The following CCZ1 variants were observed in gnomAD, a reference collection of about 807,000 sequenced individuals.
The protein encoded by CCZ1 is vacuolar fusion protein CCZ1 homolog.
In CCZ1, 19 loss-of-function variants were observed where a neutral mutation model predicts 57.8. The observed-to-expected ratio is 0.33, with a 90% CI of 0.23 to 0.48. The LOEUF is 0.48. Among genes scored for constraint, CCZ1 ranks in the 20% least tolerant of loss-of-function variants. The pLI is 0.99. For missense variants in CCZ1, 200 were observed against 492.0 expected (o/e 0.41, Z 5.61); for synonymous variants, 81 against 167.0 (o/e 0.49, Z 3.97).
Position 5,923,374 on chromosome 7 carries a change from CAT to C in CCZ1, c.1107-12_1107-11del. 1 of 238,678 alleles carries C rather than the reference CAT, an allele frequency of 4.2e-6. No homozygotes were observed. Among genetic ancestry groups the C allele is most frequent in the Non-Finnish European group, 7.7e-6 (1 of 130,236 alleles). The allele number at this position is 238,678 out of a possible 1,614,324, so 14.8% of individuals were successfully genotyped here. The stretch of plus-strand genomic sequence containing the variant: ...GGCCCGAGTGCTACTGTCTTCGTGA[CAT>C]GTTTTCACAGGTCTGAGAAAGAACC... On this transcript the variant is annotated splice_polypyrimidine_tract_variant and intron_variant, in intron 12 of 14. Transcript: ENST00000325974.
At chr7:5,915,478 T>G (rs1323628877) in intron 10 of CCZ1, among the ~76,000 whole-genome samples, 1 of 137,766 alleles carries the variant, frequency 7.3e-6, no homozygotes, top group Non-Finnish European at 1.6e-5. Context: ...TCTACAGACA[T>G]ATTGTGGGGT....
Position 5,902,876 on chromosome 7 carries a change from C to G in CCZ1, c.522+132C>G. 4.3e-6 allele frequency: 5 copies of G among 1,169,832 alleles called. 1 individual carries two copies. In the South Asian group the frequency reaches 5.2e-5, roughly 12 times the overall value. 72.5% of individuals were successfully genotyped at this position (1,169,832 alleles called of 1,614,324 possible). A position where few individuals can be genotyped will look rare whatever the true frequency, so the allele number is the denominator to read the frequency against. On this transcript the variant is annotated intron_variant, in intron 6 of 14. Coordinates refer to ENST00000325974, the MANE Select transcript of CCZ1 (RefSeq NM_015622.6). ...AAAGTGGCAAAGAGCCTGAGACAGACCGTCGCAAAACTGGAGCAGCGAGGA... is the reference window on the plus strand; with the variant it reads ...AAAGTGGCAAAGAGCCTGAGACAGAGCGTCGCAAAACTGGAGCAGCGAGGA...
chr7:5,912,336 GT>G, intron 9 of CCZ1, among the ~76,000 whole-genome samples: 1 of 121,460 alleles, frequency 8.2e-6, no homozygotes, highest in Non-Finnish European at 1.7e-5. Flanking sequence ...ACAAAGGAAA[GT>G]TTGTTGTTTC....
At chr7:5,906,607 G>C (rs1345251639) in intron 7 of CCZ1, among the ~76,000 whole-genome samples, 1 of 148,868 alleles carries the variant, frequency 6.7e-6, no homozygotes, top group Non-Finnish European at 1.5e-5. Flanking sequence ...ACAGGTGTGA[G>C]CCACTGCACC....
intron 7 of CCZ1, among the ~76,000 whole-genome samples, chr7:5,908,470 C>A (rs1276866010): frequency 6.7e-6 from 1 of 148,340 alleles, no homozygotes; most frequent in Non-Finnish European, 1.5e-5. Flanking sequence ...CCTGCGCCTC[C>A]CAGGTTCAAG....
chr7:5,915,497 G>A (rs1161923820), intron 10 of CCZ1, among the ~76,000 whole-genome samples: 1 of 137,656 alleles, frequency 7.3e-6, no homozygotes, highest in Non-Finnish European at 1.6e-5. Context: ...GTGTGATGAT[G>A]GGATTGTGGC....
chr7:5,912,432 G>A (rs1382089473), intron 9 of CCZ1, among the ~76,000 whole-genome samples: 2 of 98,522 alleles, frequency 2.0e-5, no homozygotes, highest in East Asian at 4.9e-4. Context: ...TCTCTCTGTC[G>A]CTCAGGCTGG....
In CCZ1 at chr7:5,912,057, T is replaced by C. The variant is rs943790288; in HGVS notation, c.842+135T>C. On this transcript the variant is annotated intron_variant, in intron 9 of 14. Coordinates refer to ENST00000325974, the MANE Select transcript of CCZ1 (RefSeq NM_015622.6). ...CAACCTCCGCCTCCCCGGGCTCAAG[T>C]GACTGTCATGCCTCAGCCTCCCAAG... The C allele has an allele frequency of 3.2e-6, 5 of 1,566,334 alleles. No individual in the cohort carries two copies. In the African/African-American group the frequency reaches 5.6e-5, roughly 18 times the overall value.
At chr7:5,916,701 G>T (rs62453617) in intron 10 of CCZ1, among the ~76,000 whole-genome samples, 2 of 146,542 alleles carry the variant, frequency 1.4e-5, no homozygotes, top group African/African-American at 2.7e-5. Context: ...TTGATTGGGG[G>T]TTGGCCACAG....
Position 5,911,454 on chromosome 7 carries a change from C to G in CCZ1, c.781-407C>G, listed in dbSNP as rs574272923. ...AGTAGCTGAGACTACAGGTGTGTGC[C>G]ACCACACCTGGCTAATTTTTTGTAG... is the stretch of plus-strand genomic sequence containing the variant. On this transcript the variant is annotated intron_variant, in intron 8 of 14. Transcript: ENST00000325974. Among the ~76,000 whole-genome samples, 12 of 136,390 alleles carry G rather than the reference C, an allele frequency of 8.8e-5. 1 individual carries two copies. Among genetic ancestry groups the G allele is most frequent in the African/African-American group, 3.1e-4 (12 of 38,338 alleles). 89.5% of individuals were successfully genotyped at this position (136,390 alleles called of 152,430 possible).
intron 7 of CCZ1, 103 bp downstream of exon 7, chr7:5,905,372 G>A: frequency 1.5e-6 from 1 of 647,926 alleles, no homozygotes; most frequent in Admixed American, 3.1e-5. Context: ...TTGCAGCGGG[G>A]AGGATGGGTA....
At chr7:5,920,470 C>CTTT (rs200899553) in intron 12 of CCZ1, among the ~76,000 whole-genome samples, 11,452 of 95,320 alleles carry the variant, frequency 0.12, 1,140 homozygotes, top group Admixed American at 0.21. Context: ...TTCTCCCTGG[C>CTTT]TTTTTTTTTT....
chr7:5,904,392 T>C (rs1203422096), intron 6 of CCZ1, among the ~76,000 whole-genome samples: 1 of 146,116 alleles, frequency 6.8e-6, no homozygotes, highest in Non-Finnish European at 1.5e-5. Flanking sequence ...GGCCAGGAAT[T>C]AAAAACTTGA....
intron 10 of CCZ1, among the ~76,000 whole-genome samples, chr7:5,914,828 C>A (rs1779117685): frequency 3.5e-5 from 5 of 142,556 alleles, no homozygotes; most frequent in Admixed American, 2.8e-4. Flanking sequence ...GTGAGCTGAG[C>A]TTACGCCACT....
At chr7:5,915,377 A>G (rs58819253) in intron 10 of CCZ1, among the ~76,000 whole-genome samples, 21,106 of 136,708 alleles carry the variant, frequency 0.15, 2,076 homozygotes, top group East Asian at 0.56. Context: ...GAAAAAAATC[A>G]TCCTCCTTTG....
intron 14 of CCZ1, 171 bp from the exon 15 acceptor site, chr7:5,925,461 T>C (rs1489694641): frequency 2.2e-5 from 14 of 634,172 alleles, no homozygotes; most frequent in East Asian, 1.5e-4. Context: ...AGCAAGACTC[T>C]GTCTCAAACA....
intron 7 of CCZ1, among the ~76,000 whole-genome samples, chr7:5,907,948 A>C (rs1781873642): frequency 6.8e-6 from 1 of 146,096 alleles, no homozygotes; most frequent in Admixed American, 6.7e-5. Flanking sequence ...TGGAAAAAAA[A>C]AAAAATAGCT....
intron 3 of CCZ1, 82 bp from the exon 4 acceptor site, chr7:5,900,773 A>G (rs1463933031): frequency 1.3e-6 from 2 of 1,578,232 alleles, no homozygotes; most frequent in Non-Finnish European, 1.7e-6. Context: ...ATGCTGTAGC[A>G]TGTTCAAAGT....
chr7:5,906,792 A>G (rs1356472808), intron 7 of CCZ1, among the ~76,000 whole-genome samples: 3 of 150,888 alleles, frequency 2.0e-5, no homozygotes, highest in Non-Finnish European at 4.4e-5. Context: ...GAATCCAGTT[A>G]ATAAACAACT....
Sources: gnomAD v4.1 joint callset for allele counts (sites outside exome capture counted in the v4.1 genomes callset) on GRCh38, gnomAD v4.1.1 for gene constraint, MANE v1.5 for transcripts, NCBI Gene and HGNC (gene_info 2026-07-23, HGNC 2026-07-21) for gene names.